MERTK: variants seen among roughly 807,000 people sequenced by gnomAD.
MERTK encodes the protein MER proto-oncogene, tyrosine kinase, also known as tyrosine-protein kinase Mer.
In MERTK, 69 loss-of-function variants were observed where a neutral mutation model predicts 99.3. The ratio of observed to expected loss-of-function variants is 0.70; its 90% CI spans 0.57 to 0.85. The LOEUF is 0.85. MERTK is among the 40% of genes least tolerant of loss of function. The probability of loss-of-function intolerance (pLI) is 0.00; values close to 1 mark genes in which losing one functional copy is unlikely to be tolerated. For missense variants in MERTK, 1,125 were observed against 1,249.4 expected (o/e 0.90, Z 1.50); for synonymous variants, 426 against 467.6 (o/e 0.91, Z 1.15).
chr2:111,947,548 C>T lies in MERTK; in HGVS notation c.738C>T (p.Pro246=), dbSNP rs775724492. 19 of 1,614,152 alleles carry T rather than the reference C, an allele frequency of 1.2e-5. No individual in the cohort carries two copies. Among genetic ancestry groups the T allele is most frequent in the Non-Finnish European group, 1.6e-5 (19 of 1,180,044 alleles). The change falls in exon 4 of 19, where the codon CCC becomes CCT. Residue 246 remains proline (P), a synonymous_variant. Coordinates refer to ENST00000295408, the MANE Select transcript of MERTK (RefSeq NM_006343.3). ...TTAACGAACAGCCTGAAAAATCCCC[C>T]TCCGTGCTAACTGTTCCAGGTAAGT... The part of the protein sequence containing the change: ...SRVNEQPEKS[P]SVLTVPGLTE...
At chr2:112,023,429 T>C (rs1384393591) in intron 18 of MERTK, among the ~76,000 whole-genome samples, 1 of 151,644 alleles carries the variant, frequency 6.6e-6, no homozygotes, top group African/African-American at 2.4e-5. Context: ...AAATAAAAAA[T>C]AATAAAATAA....
At chr2:111,949,592 T>C (rs1178122385) in intron 4 of MERTK, among the ~76,000 whole-genome samples, 2 of 152,334 alleles carry the variant, frequency 1.3e-5, no homozygotes, top group South Asian at 2.1e-4. Flanking sequence ...CTTATTTTCA[T>C]TGAGGTAAAA....
intron 4 of MERTK, among the ~76,000 whole-genome samples, chr2:111,963,930 G>C (rs138951829): frequency 1.3e-5 from 2 of 151,842 alleles, no homozygotes; most frequent in Admixed American, 1.3e-4. Flanking sequence ...GGCCATAGAG[G>C]TGAAGTGACA....
intron 2 of MERTK, among the ~76,000 whole-genome samples, chr2:111,938,360 G>A (rs1276329654): frequency 6.6e-6 from 1 of 152,114 alleles, no homozygotes; most frequent in African/African-American, 2.4e-5. Context: ...GCCTCCCACA[G>A]TCTACTTTCT....
At chr2:111,979,871 A>C (rs775918999) in intron 7 of MERTK, among the ~76,000 whole-genome samples, 20 of 151,926 alleles carry the variant, frequency 1.3e-4, no homozygotes, top group Non-Finnish European at 2.6e-4. Flanking sequence ...TGTCTCCTCT[A>C]AGCCCTCTGT....
intron 4 of MERTK, among the ~76,000 whole-genome samples, chr2:111,959,318 C>T (rs1168420229): frequency 6.6e-6 from 1 of 152,136 alleles, no homozygotes; most frequent in Non-Finnish European, 1.5e-5. Flanking sequence ...AGTTACTTCG[C>T]CAGTTCTCCC....
chr2:111,898,721 A>G lies in MERTK; in HGVS notation c.-15A>G, dbSNP rs563194940. ...CCATCCGTCCGGAGAGAAATTACAG[A>G]TCCGCAGCCCCGGGATGGGGCCGGC... On this transcript the variant is annotated 5_prime_UTR_variant, in exon 1 of 19. Coordinates refer to ENST00000295408, the MANE Select transcript of MERTK (RefSeq NM_006343.3). 7 of 1,604,876 alleles carry G rather than the reference A, an allele frequency of 4.4e-6. No homozygotes were observed. Among genetic ancestry groups the G allele is most frequent in the Non-Finnish European group, 6.0e-6 (7 of 1,176,394 alleles).
chr2:111,943,225 T>C (rs558941314), intron 2 of MERTK, among the ~76,000 whole-genome samples: 1 of 152,298 alleles, frequency 6.6e-6, no homozygotes, highest in Non-Finnish European at 1.5e-5. Context: ...ATAAATAGGT[T>C]ATACAGGGAA....
intron 16 of MERTK, 140 bp from the exon 17 acceptor site, chr2:112,021,282 A>G (rs1677341482): frequency 5.6e-6 from 7 of 1,241,392 alleles, no homozygotes; most frequent in South Asian, 3.7e-5. Context: ...ATTGGTCCCA[A>G]TGCAGCATGC....
At chr2:111,975,188 G>T in intron 6 of MERTK, 101 bp from the exon 7 acceptor site, 1 of 1,115,706 alleles carries the variant, frequency 9.0e-7, no homozygotes, top group South Asian at 1.2e-5. Context: ...CTTCCCCTTA[G>T]CGTAGAGGAA....
intron 17 of MERTK, among the ~76,000 whole-genome samples, chr2:112,021,971 G>GA (rs112340384): frequency 0.03 from 4,620 of 151,848 alleles, 84 homozygotes; most frequent in Middle Eastern, 0.068. Flanking sequence ...CCGAGATAAG[G>GA]AAAAAAAAGC....
chr2:111,922,413 G>T (rs191687575), intron 1 of MERTK, among the ~76,000 whole-genome samples: 1 of 152,192 alleles, frequency 6.6e-6, no homozygotes, highest in Non-Finnish European at 1.5e-5. Flanking sequence ...AGAGCCCTTC[G>T]CATCCCAAGC....
chr2:112,029,484 G>T lies in MERTK; in HGVS notation c.*620G>T, dbSNP rs1369554018. On this transcript the variant is annotated 3_prime_UTR_variant, in exon 19 of 19. Coordinates refer to ENST00000295408, the MANE Select transcript of MERTK (RefSeq NM_006343.3). Reference sequence around the variant, plus strand: ...GGGGCAATTGCTCTGACCATTCTTGGCATTGCTTTATAGAGATATGGAAAA... The same window carrying T: ...GGGGCAATTGCTCTGACCATTCTTGTCATTGCTTTATAGAGATATGGAAAA... 1 of 291,708 alleles carries T rather than the reference G, an allele frequency of 3.4e-6. No homozygotes were observed. The highest frequency in any genetic ancestry group is 5.1e-6 in the Non-Finnish European group (1 of 195,634). 18.1% of individuals were successfully genotyped at this position (291,708 alleles called of 1,614,324 possible).
chr2:111,920,769 C>T (rs947119891), intron 1 of MERTK, among the ~76,000 whole-genome samples: 2 of 152,126 alleles, frequency 1.3e-5, no homozygotes, highest in African/African-American at 2.4e-5. Flanking sequence ...TTCTCCCTGC[C>T]TCACCCTCCC....
chr2:111,996,318 G>A (rs759265471), intron 9 of MERTK: 5 of 154,178 alleles, frequency 3.2e-5, no homozygotes, highest in African/African-American at 4.8e-5. Flanking sequence ...ACCAACCATC[G>A]TAGAAATAAC....
At chr2:112,007,860 T>G (rs1677016808) in intron 13 of MERTK, among the ~76,000 whole-genome samples, 2 of 152,040 alleles carry the variant, frequency 1.3e-5, no homozygotes, top group East Asian at 1.9e-4. Flanking sequence ...TGGGGTTTTT[T>G]TTTTGGAATT....
At chr2:111,976,740 T>G (rs1461730975) in intron 7 of MERTK, among the ~76,000 whole-genome samples, 5 of 151,602 alleles carry the variant, frequency 3.3e-5, no homozygotes, top group Non-Finnish European at 7.4e-5. Context: ...CATTTAAAAA[T>G]ATTATTTTTA....
At chr2:112,019,085 A>G (rs945063247) in intron 15 of MERTK, among the ~76,000 whole-genome samples, 1 of 152,056 alleles carries the variant, frequency 6.6e-6, no homozygotes, top group East Asian at 1.9e-4. Flanking sequence ...CCTCTGTGCA[A>G]TGCGTGTGCT....
chr2:111,910,076 G>A (rs1232914723), intron 1 of MERTK, among the ~76,000 whole-genome samples: 1 of 152,098 alleles, frequency 6.6e-6, no homozygotes, highest in Admixed American at 6.5e-5. Context: ...ATAAGCTTTG[G>A]CAACATGGCA....
Sources: allele counts gnomAD v4.1 joint callset (sites outside exome capture counted in the v4.1 genomes callset), GRCh38; gene constraint gnomAD v4.1.1; transcripts MANE v1.5; gene names NCBI Gene and HGNC (gene_info 2026-07-23, HGNC 2026-07-21).